The following CUL3 variants were observed in gnomAD, a reference collection of about 807,000 sequenced individuals.
The protein encoded by CUL3 is cullin-3.
In CUL3, 19 loss-of-function variants were observed where a neutral mutation model predicts 89.1. That is an observed-to-expected ratio of 0.21 (90% CI 0.15 to 0.31). CUL3 has a LOEUF of 0.31. Ranked by LOEUF, CUL3 falls within the 10% of genes least tolerant of loss-of-function variation. The pLI is 1.00. For synonymous variants in CUL3, 351 were observed against 308.4 expected (o/e 1.14, Z -1.45); for missense variants, 469 against 942.3 (o/e 0.50, Z 6.58).
At chr2:224,540,905 C>T (rs184520174) in intron 2 of CUL3, among the ~76,000 whole-genome samples, 18 of 152,150 alleles carry the variant, frequency 1.2e-4, no homozygotes, top group Admixed American at 1.1e-3. Context: ...GAGAAGAGCC[C>T]TGCTTTTTTA....
intron 1 of CUL3, among the ~76,000 whole-genome samples, chr2:224,559,097 C>T (rs1694823896): frequency 6.6e-6 from 1 of 151,428 alleles, no homozygotes; most frequent in Admixed American, 6.6e-5. Flanking sequence ...AGTAATCACA[C>T]ATCTAAGCAT....
intron 13 of CUL3, among the ~76,000 whole-genome samples, chr2:224,489,843 G>T (rs1574621278): frequency 6.6e-6 from 1 of 152,140 alleles, no homozygotes. Context: ...ACAAAAGCCA[G>T]AATTGACAAA....
intron 2 of CUL3, among the ~76,000 whole-genome samples, chr2:224,551,692 C>T (rs1007061929): frequency 6.6e-6 from 1 of 152,108 alleles, no homozygotes. Context: ...CATGTTCATT[C>T]ATTTACATTT....
At chr2:224,526,229 C>G (rs942211248) in intron 3 of CUL3, among the ~76,000 whole-genome samples, 6 of 152,184 alleles carry the variant, frequency 3.9e-5, no homozygotes, top group African/African-American at 1.4e-4. Flanking sequence ...CCAAACTTCC[C>G]ATATACATTG....
intron 2 of CUL3, among the ~76,000 whole-genome samples, chr2:224,547,193 C>T (rs1205881091): frequency 1.3e-5 from 2 of 152,072 alleles, no homozygotes; most frequent in African/African-American, 4.8e-5. Flanking sequence ...GATTAAAAAG[C>T]AATGGCTCCC....
chr2:224,559,477 C>T (rs796480392), intron 1 of CUL3, among the ~76,000 whole-genome samples: 5 of 150,042 alleles, frequency 3.3e-5, no homozygotes, highest in African/African-American at 1.2e-4. Flanking sequence ...AAAAAAATGT[C>T]AGTTTCCTAT....
chr2:224,483,450 TAGTATACTAGACA>T (rs758906621), intron 13 of CUL3, among the ~76,000 whole-genome samples: 20 of 152,218 alleles, frequency 1.3e-4, no homozygotes, highest in Admixed American at 8.5e-4. Flanking sequence ...TAACAGTAGT[TAGTATACTAGACA>T]TCTTTCTATT....
chr2:224,474,138 G>A lies in CUL3; in HGVS notation c.*107C>T. 8.4e-7 allele frequency: 1 copy of A among 1,185,418 alleles called. No individual in the cohort carries two copies. Among genetic ancestry groups the A allele is most frequent in the East Asian group, 2.4e-5 (1 of 41,462 alleles). 73.4% of individuals were successfully genotyped at this position (1,185,418 alleles called of 1,614,324 possible). On this transcript the variant is annotated 3_prime_UTR_variant, in exon 16 of 16. Coordinates refer to ENST00000264414, the MANE Select transcript of CUL3 (RefSeq NM_003590.5). ...ATCTCAATGGTCTAGAACATGTACTGTAATTTAATAGAAGAGATGGTCGTC... is the reference window on the plus strand; with the variant it reads ...ATCTCAATGGTCTAGAACATGTACTATAATTTAATAGAAGAGATGGTCGTC...
intron 13 of CUL3, among the ~76,000 whole-genome samples, chr2:224,488,881 G>A (rs773662610): frequency 5.3e-5 from 8 of 152,140 alleles, no homozygotes; most frequent in Non-Finnish European, 1.0e-4. Flanking sequence ...CTGGCAAACC[G>A]AATCCAGCAG....
chr2:224,531,063 ACTTT>A (rs1429779094), intron 3 of CUL3, among the ~76,000 whole-genome samples: 3 of 151,036 alleles, frequency 2.0e-5, no homozygotes, highest in Non-Finnish European at 4.4e-5. Flanking sequence ...AGGTATCAAC[ACTTT>A]CTTTTTGAAC....
At chr2:224,546,680 T>C (rs1215900735) in intron 2 of CUL3, among the ~76,000 whole-genome samples, 1 of 151,600 alleles carries the variant, frequency 6.6e-6, no homozygotes, top group Non-Finnish European at 1.5e-5. Flanking sequence ...GGGGGGGTAC[T>C]TGCCCTCAAA....
chr2:224,527,239 AATCT>A (rs1005323395), intron 3 of CUL3, among the ~76,000 whole-genome samples: 2 of 152,226 alleles, frequency 1.3e-5, no homozygotes, highest in African/African-American at 4.8e-5. Flanking sequence ...GAAAATTCTT[AATCT>A]ATCTGTGCTT....
intron 3 of CUL3, among the ~76,000 whole-genome samples, chr2:224,522,228 A>T (rs1693293297): frequency 6.6e-6 from 1 of 152,198 alleles, no homozygotes; most frequent in Non-Finnish European, 1.5e-5. Context: ...ATACAGATTT[A>T]AAAAGGTTTA....
intron 8 of CUL3, 105 bp downstream of exon 8, chr2:224,505,851 C>G (rs1692579272): frequency 1.4e-6 from 1 of 710,706 alleles, no homozygotes; most frequent in Non-Finnish European, 2.1e-6. Context: ...TTAAGCACAG[C>G]AATGGGTCAT....
chr2:224,506,735 T>A (rs1692616826), intron 7 of CUL3, 123 bp downstream of exon 7: 1 of 803,356 alleles, frequency 1.2e-6, no homozygotes, highest in Non-Finnish European at 1.9e-6. Context: ...ATTACAAATA[T>A]TAATTTACTA....
At chr2:224,521,810 G>A (rs1392410387) in intron 3 of CUL3, among the ~76,000 whole-genome samples, 2 of 151,746 alleles carry the variant, frequency 1.3e-5, no homozygotes, top group Non-Finnish European at 2.9e-5. Context: ...AAAAAAAAAG[G>A]TTTAACAATG....
chr2:224,525,259 A>G (rs1263948605), intron 3 of CUL3, among the ~76,000 whole-genome samples: 1 of 152,230 alleles, frequency 6.6e-6, no homozygotes, highest in African/African-American at 2.4e-5. Context: ...GAAGACCATG[A>G]GCTTTAGAAT....
At chr2:224,572,277 C>T (rs1695197364) in intron 1 of CUL3, among the ~76,000 whole-genome samples, 1 of 152,156 alleles carries the variant, frequency 6.6e-6, no homozygotes, top group Admixed American at 6.5e-5. Flanking sequence ...TCTCAAAAGT[C>T]TCTGCCACGG....
intron 3 of CUL3, among the ~76,000 whole-genome samples, chr2:224,526,031 G>GA (rs1693460773): frequency 6.6e-6 from 1 of 152,152 alleles, no homozygotes; most frequent in Non-Finnish European, 1.5e-5. Context: ...CCTCTTCCAG[G>GA]AGAGAGTTCG....
Sources: allele counts gnomAD v4.1 joint callset (sites outside exome capture counted in the v4.1 genomes callset), GRCh38; gene constraint gnomAD v4.1.1; transcripts MANE v1.5; gene names NCBI Gene and HGNC (gene_info 2026-07-23, HGNC 2026-07-21).